The following BRD9 variants were observed in gnomAD, a reference collection of about 807,000 sequenced individuals.
BRD9 encodes the protein bromodomain-containing protein 9.
Under a neutral mutation model 68.7 loss-of-function variants are expected in BRD9, and 47 were observed. The observed-to-expected ratio is 0.68, with a 90% CI of 0.54 to 0.87. BRD9 has a LOEUF of 0.87. Among genes scored for constraint, BRD9 ranks in the 40% least tolerant of loss-of-function variants. The probability of loss-of-function intolerance (pLI) is 0.00; values close to 1 mark genes in which losing one functional copy is unlikely to be tolerated. For synonymous variants in BRD9, 313 were observed against 293.9 expected (o/e 1.06, Z -0.67); for missense variants, 670 against 748.4 (o/e 0.90, Z 1.22).
intron 13 of BRD9, 29 bp downstream of exon 13, chr5:871,497 G>C (rs1247861648): frequency 6.2e-7 from 1 of 1,606,746 alleles, no homozygotes; most frequent in Non-Finnish European, 8.5e-7. Flanking sequence ...AATAATATTT[G>C]GCTTGCCCTT....
intron 7 of BRD9, 49 bp downstream of exon 7, chr5:886,543 C>T (rs1274239498): frequency 6.5e-7 from 1 of 1,538,174 alleles, no homozygotes. Context: ...GCTTTCCTGG[C>T]TATGGTGCTC....
intron 15 of BRD9, among the ~76,000 whole-genome samples, 193 bp from the exon 16 acceptor site, chr5:864,761 G>A (rs1299265136): frequency 6.6e-6 from 1 of 152,174 alleles, no homozygotes; most frequent in Non-Finnish European, 1.5e-5. Flanking sequence ...CCCTGACCCA[G>A]CACACAGCAC....
At chr5:881,865 T>C (rs1751818426) in intron 8 of BRD9, 1 of 152,698 alleles carries the variant, frequency 6.5e-6, no homozygotes, top group Non-Finnish European at 1.5e-5. Context: ...GTCAGCTCAA[T>C]GGGACACGGA....
intron 11 of BRD9, 89 bp from the exon 12 acceptor site, chr5:876,301 AGCG>A (rs1750917383): frequency 2.1e-6 from 2 of 955,294 alleles, no homozygotes; most frequent in Non-Finnish European, 3.2e-6. Context: ...CTGCCGTGCC[AGCG>A]CAGCTCCTCG....
intron 12 of BRD9, among the ~76,000 whole-genome samples, chr5:875,234 T>C (rs1750731110): frequency 6.6e-6 from 1 of 152,180 alleles, no homozygotes; most frequent in South Asian, 2.1e-4. Context: ...AACACCCTTT[T>C]AAAGATGTAA....
intron 12 of BRD9, among the ~76,000 whole-genome samples, chr5:874,788 C>G (rs78181355): frequency 6.6e-6 from 1 of 152,250 alleles, no homozygotes; most frequent in Non-Finnish European, 1.5e-5. Context: ...ATAACAGGTT[C>G]AGGTGTGGCC....
chr5:878,527 A>G (rs1259548656), intron 10 of BRD9, 40 bp from the exon 11 acceptor site: 12 of 1,612,476 alleles, frequency 7.4e-6, no homozygotes, highest in Non-Finnish European at 1.0e-5. Flanking sequence ...ACTCACTGGA[A>G]GGACTCGGTG....
Position 864,362 on chromosome 5 carries a change from G to T in BRD9, c.*106C>A. The T allele has an allele frequency of 1.1e-6, 1 of 934,400 alleles. No individual in the cohort carries two copies. The highest frequency in any genetic ancestry group is 1.6e-6 in the Non-Finnish European group (1 of 636,954). The allele number at this position is 934,400 out of a possible 1,614,324, so 57.9% of individuals were successfully genotyped here. The stretch of plus-strand genomic sequence containing the variant: ...CATTACCTCCCCGCGGCTGCTTCCC[G>T]CATGCCAAAGGGGACAGGATCAAAG... On this transcript the variant is annotated 3_prime_UTR_variant, in exon 16 of 16. Transcript: ENST00000467963.
intron 8 of BRD9, 24 bp from the exon 9 acceptor site, chr5:881,206 G>A (rs371637074): frequency 9.9e-6 from 16 of 1,611,020 alleles, no homozygotes; most frequent in African/African-American, 8.0e-5. Context: ...CTGCCTGAGC[G>A]TCTGTCCCTC....
rs552166369 is a variant in BRD9, at chr5:864,261, T to C, written c.*207A>G. 1 of 447,834 alleles carries C rather than the reference T, an allele frequency of 2.2e-6. No homozygotes were observed. The highest frequency in any genetic ancestry group is 2.0e-5 in the African/African-American group (1 of 50,020). The allele number at this position is 447,834 out of a possible 1,614,324, so 27.7% of individuals were successfully genotyped here. A position where few individuals can be genotyped will look rare whatever the true frequency, so the allele number is the denominator to read the frequency against. Reference sequence around the variant, plus strand: ...TCTCTCTGCTGACACGATGGCCATATGGCCTTCGCGTATGACTCCACTCCT... The same window carrying C: ...TCTCTCTGCTGACACGATGGCCATACGGCCTTCGCGTATGACTCCACTCCT... On this transcript the variant is annotated 3_prime_UTR_variant, in exon 16 of 16. Transcript: ENST00000467963.
Position 891,210 on chromosome 5 carries a change from C to T in BRD9, c.345G>A (p.Lys115=). ...GATCTGGGGGCGGCTCCACCTCCAC[C>T]TTCTTCCCAGGATCAAAGTCGTCAG... ...GEADDFDPGK[K]VEVEPPPDRP... Residue 115 remains lysine (K), a synonymous_variant, in exon 3 of 16, where the codon AAG becomes AAA. Transcript: ENST00000467963. 2 of 1,551,968 alleles carry T rather than the reference C, an allele frequency of 1.3e-6. No individual in the cohort carries two copies. The highest frequency in any genetic ancestry group is 1.2e-5 in the South Asian group (1 of 84,066).
At chr5:883,748 C>T (rs1752144452) in intron 8 of BRD9, 190 bp downstream of exon 8, 1 of 773,734 alleles carries the variant, frequency 1.3e-6, no homozygotes, top group Non-Finnish European at 2.0e-6. Flanking sequence ...GCAGCCCTGC[C>T]AGAGGCACCT....
chr5:892,349 G>A, intron 1 of BRD9: 2 of 781,598 alleles, frequency 2.6e-6, no homozygotes, highest in South Asian at 2.0e-5. Flanking sequence ...TGCTTCCCTA[G>A]TCTCCAGGAC....
At chr5:889,783 A>C in intron 3 of BRD9, 136 bp from the exon 4 acceptor site, 1 of 1,495,950 alleles carries the variant, frequency 6.7e-7, no homozygotes, top group Non-Finnish European at 9.0e-7. Context: ...ATATAAAGAT[A>C]CATCCGACTC....
chr5:892,253 G>A (rs1753547063), intron 1 of BRD9: 1 of 462,792 alleles, frequency 2.2e-6, no homozygotes, highest in Non-Finnish European at 3.8e-6. Context: ...CCATGGAGCT[G>A]CTGCGGGAGC....
At chr5:887,006 T>C in intron 6 of BRD9, 1 of 523,588 alleles carries the variant, frequency 1.9e-6, no homozygotes. Flanking sequence ...ACGGCACAGA[T>C]CTGGGAAGCC....
At chr5:870,688 C>T in intron 13 of BRD9, 113 bp from the exon 14 acceptor site, 2 of 735,214 alleles carry the variant, frequency 2.7e-6, no homozygotes, top group South Asian at 1.7e-5. Flanking sequence ...TGAACCCACC[C>T]CTCAGTAAGT....
chr5:892,425 G>A, intron 1 of BRD9, 181 bp downstream of exon 1: 4 of 1,344,312 alleles, frequency 3.0e-6, no homozygotes, highest in Non-Finnish European at 3.9e-6. Flanking sequence ...GCCTACCCAG[G>A]ACCCCTCACG....
Position 891,643 on chromosome 5 carries a change from T to C in BRD9, c.264A>G (p.Arg88=). The C allele has an allele frequency of 6.4e-7, 1 of 1,551,186 alleles. No individual in the cohort carries two copies. Among genetic ancestry groups the C allele is most frequent in the East Asian group, 2.4e-5 (1 of 40,900 alleles). The change falls in exon 2 of 16, where the codon CGA becomes CGG. Residue 88 remains arginine, a synonymous_variant. Transcript: ENST00000467963. ...GCCACCGCCGCTGCTCCTTTACCTT[T>C]CGCTTCCTTCTTTCCTCATCGTCCA... The part of the protein sequence containing the change: ...KHLDDEERRK[R]KEEKKRKRER...
Sources: gnomAD v4.1 joint callset for allele counts (sites outside exome capture counted in the v4.1 genomes callset) on GRCh38, gnomAD v4.1.1 for gene constraint, MANE v1.5 for transcripts, NCBI Gene and HGNC (gene_info 2026-07-23, HGNC 2026-07-21) for gene names.